TSNARE1: variants seen among roughly 807,000 people sequenced by gnomAD.
The protein encoded by TSNARE1 is t-SNARE domain containing 1, also known as t-SNARE domain-containing protein 1.
Under a neutral mutation model 62.0 loss-of-function variants are expected in TSNARE1, and 49 were observed. The ratio of observed to expected loss-of-function variants is 0.79; its 90% confidence interval spans 0.63 to 1.00. The LOEUF is 1.00. TSNARE1 is among the 50% of genes least tolerant of loss of function. TSNARE1 has a pLI of 0.00. For missense variants in TSNARE1, 755 were observed against 700.1 expected (o/e 1.08, Z -0.88); for synonymous variants, 328 against 294.4 (o/e 1.11, Z -1.17).
intron 13 of TSNARE1, among the ~76,000 whole-genome samples, chr8:142,216,593 G>A (rs965679400): frequency 7.6e-5 from 11 of 143,896 alleles, no homozygotes; most frequent in African/African-American, 1.2e-4. Context: ...ACCCCTCCCC[G>A]CACTGGTCAG....
chr8:142,328,135 T>C (rs1023083821), intron 6 of TSNARE1, among the ~76,000 whole-genome samples: 12 of 152,000 alleles, frequency 7.9e-5, no homozygotes, highest in South Asian at 6.3e-4. Context: ...CTAAAGAATA[T>C]ATCATAGGTG....
chr8:142,314,992 C>T lies in TSNARE1; in HGVS notation c.1074+11G>A. ...GCCTGCAGACCCCCACTGCCCCCAC[C>T]AGCACCTCACCTTCTGCACCACTCC... On this transcript the variant is annotated intron_variant, in intron 8 of 13. Transcript: ENST00000524325. The T allele has an allele frequency of 6.2e-7, 1 of 1,614,086 alleles. No homozygotes were observed. Among genetic ancestry groups the T allele is most frequent in the Non-Finnish European group, 8.5e-7 (1 of 1,179,930 alleles).
intron 9 of TSNARE1, among the ~76,000 whole-genome samples, chr8:142,307,791 T>C (rs1165235854): frequency 6.6e-6 from 1 of 152,194 alleles, no homozygotes; most frequent in African/African-American, 2.4e-5. Flanking sequence ...AACTTGATAT[T>C]CTCGAACAGT....
intron 10 of TSNARE1, 52 bp from the exon 11 acceptor site, chr8:142,284,537 C>G (rs759148454): frequency 6.9e-7 from 1 of 1,439,364 alleles, no homozygotes; most frequent in South Asian, 1.2e-5. Context: ...GGGCAGACAC[C>G]AAGGGCACCT....
intron 12 of TSNARE1, among the ~76,000 whole-genome samples, chr8:142,242,341 A>T (rs1345333027): frequency 6.6e-6 from 1 of 152,264 alleles, no homozygotes; most frequent in African/African-American, 2.4e-5. Context: ...AACTTTTCTT[A>T]ACACTGGTCT....
chr8:142,274,710 C>A, intron 12 of TSNARE1, 71 bp downstream of exon 12: 1 of 1,417,282 alleles, frequency 7.1e-7, no homozygotes, highest in Non-Finnish European at 9.2e-7. Flanking sequence ...TCCAGACAGA[C>A]GGAGGGAGGG....
In TSNARE1 at chr8:142,214,141, G is replaced by A. The variant is rs566636783; in HGVS notation, c.*12-1828C>T. On this transcript the variant is annotated intron_variant, in intron 13 of 13. Transcript: ENST00000524325. ...GACTGGCCGACTCTGACATAGCCAA[G>A]GTCCAGGGAGCAGGCGATGACGCTG... is the stretch of plus-strand genomic sequence containing the variant. 9.8e-5 allele frequency among the ~76,000 whole-genome samples: 15 copies of A among 152,326 alleles called. No homozygotes were observed. In the East Asian group the frequency reaches 2.3e-3, roughly 24 times the overall value.
At chr8:142,401,886 C>CGG (rs1461401796) in intron 1 of TSNARE1, among the ~76,000 whole-genome samples, 1 of 152,152 alleles carries the variant, frequency 6.6e-6, no homozygotes, top group Non-Finnish European at 1.5e-5. Flanking sequence ...GCGGTTCAGT[C>CGG]GGGGGAAGCA....
rs186835628 is a variant in TSNARE1, at chr8:142,231,484, C to T, written c.1447-1905G>A. Among the ~76,000 whole-genome samples, 346 of 152,030 alleles carry T rather than the reference C, an allele frequency of 2.3e-3. 1 individual carries two copies. Among genetic ancestry groups the T allele is most frequent in the Admixed American group, 7.0e-3 (107 of 15,274 alleles). ...ACAAAGCCCTCAGCTTACTGGTTGG[C>T]GGGGGGGCAGTCAACCCTCCTGGCA... On this transcript the variant is annotated intron_variant, in intron 12 of 13. Coordinates refer to ENST00000524325, the MANE Select transcript of TSNARE1 (RefSeq NM_145003.5).
At chr8:142,304,429 G>C (rs946119523) in intron 9 of TSNARE1, among the ~76,000 whole-genome samples, 1 of 152,238 alleles carries the variant, frequency 6.6e-6, no homozygotes, top group Non-Finnish European at 1.5e-5. Context: ...CTGTAGAATG[G>C]GAGCAGCGGC....
chr8:142,256,238 CCAT>C (rs1197632981), intron 12 of TSNARE1, among the ~76,000 whole-genome samples: 82 of 92,872 alleles, frequency 8.8e-4, no homozygotes, highest in South Asian at 1.6e-3. Context: ...ACCACCACCA[CCAT>C]CACCATCACC....
intron 6 of TSNARE1, among the ~76,000 whole-genome samples, chr8:142,327,415 T>C (rs1010174249): frequency 6.6e-6 from 1 of 151,192 alleles, no homozygotes. Flanking sequence ...ACAGTGGGAC[T>C]GAGGGGCACG....
Position 142,365,600 on chromosome 8 carries a change from A to ACG in TSNARE1, c.-39-10839_-39-10838dup, listed in dbSNP as rs202024772. On this transcript the variant is annotated intron_variant, in intron 1 of 13. Coordinates refer to ENST00000524325, the MANE Select transcript of TSNARE1 (RefSeq NM_145003.5). ...AAAAACCATCCATAAACACATGCAC[A>ACG]CGCACACACACACACACACACACAC... 9.0e-3 allele frequency among the ~76,000 whole-genome samples: 1,128 copies of ACG among 125,410 alleles called. 4 individuals are homozygous for ACG. Among genetic ancestry groups the ACG allele is most frequent in the African/African-American group, 0.023 (663 of 28,386 alleles). The allele number at this position is 125,410 out of a possible 152,430, so 82.3% of individuals were successfully genotyped here.
intron 12 of TSNARE1, among the ~76,000 whole-genome samples, chr8:142,255,914 C>T (rs1253444228): frequency 3.0e-5 from 1 of 32,954 alleles, no homozygotes; most frequent in African/African-American, 7.3e-5. Flanking sequence ...ACCATCACCA[C>T]CACCATCACC....
chr8:142,406,309 C>G (rs1453169257), upstream of TSNARE1: 1 of 152,308 alleles, frequency 6.6e-6, no homozygotes, highest in African/African-American at 2.4e-5. Context: ...GAAGCCAGTG[C>G]CACTTCCATT....
At chr8:142,284,309 C>T in intron 11 of TSNARE1, 104 bp downstream of exon 11, 1 of 901,664 alleles carries the variant, frequency 1.1e-6, no homozygotes, top group African/African-American at 1.6e-5. Flanking sequence ...CCTGGCTCCT[C>T]TTAGAGGCCC....
intron 11 of TSNARE1, chr8:142,277,511 G>C: frequency 2.0e-6 from 2 of 985,458 alleles, no homozygotes; most frequent in African/African-American, 1.7e-5. Context: ...TGGCCGGCTC[G>C]GGGCAACTGG....
chr8:142,230,704 G>A (rs1051561253), intron 12 of TSNARE1, among the ~76,000 whole-genome samples: 5 of 152,104 alleles, frequency 3.3e-5, no homozygotes, highest in Non-Finnish European at 7.4e-5. Flanking sequence ...AGCCAAGGAT[G>A]AGTCCCCTCG....
At position 142,329,024 on chromosome 8, in the gene TSNARE1, G is replaced by A. The variant is rs530634075; in HGVS notation, c.893+1877C>T. Among the ~76,000 whole-genome samples the A allele has an allele frequency of 3.3e-5, 5 of 152,334 alleles. No individual in the cohort carries two copies. The East Asian group carries it at 5.8e-4, about 18-fold the overall frequency. ...TTTCCCTGACGAAATGATGGCGGCC[G>A]TGGATGAAGGTATATTCTTTAAATG... On this transcript the variant is annotated intron_variant, in intron 6 of 13. Transcript: ENST00000524325.
Sources: gnomAD v4.1 joint callset for allele counts (sites outside exome capture counted in the v4.1 genomes callset) on GRCh38, gnomAD v4.1.1 for gene constraint, MANE v1.5 for transcripts, NCBI Gene and HGNC (gene_info 2026-07-23, HGNC 2026-07-21) for gene names.